Variants in IGSF21 observed in about 807,000 individuals in gnomAD.
IGSF21 encodes immunoglobulin superfamily member 21.
Under a neutral mutation model 46.8 loss-of-function variants are expected in IGSF21, and 28 were observed. That is an observed-to-expected ratio of 0.60 (90% CI 0.44 to 0.82). IGSF21 has a LOEUF of 0.82. Ranked by LOEUF, IGSF21 falls within the 40% of genes least tolerant of loss-of-function variation. IGSF21 has a pLI of 0.00. For synonymous variants in IGSF21, 284 were observed against 273.6 expected (o/e 1.04, Z -0.38); for missense variants, 624 against 665.5 (o/e 0.94, Z 0.69).
intron 1 of IGSF21, among the ~76,000 whole-genome samples, chr1:18,171,967 G>A (rs561186994): frequency 5.3e-5 from 8 of 152,320 alleles, no homozygotes; most frequent in Non-Finnish European, 7.3e-5. Context: ...GGGAAAGGTT[G>A]AAGAGGTACC....
intron 3 of IGSF21, among the ~76,000 whole-genome samples, chr1:18,299,492 T>A: frequency 6.6e-6 from 1 of 152,212 alleles, no homozygotes; most frequent in Middle Eastern, 3.2e-3. Flanking sequence ...CTCTGTATAT[T>A]TTCATGAAGC....
intron 2 of IGSF21, among the ~76,000 whole-genome samples, chr1:18,250,394 C>T (rs1353034737): frequency 6.6e-6 from 1 of 152,044 alleles, no homozygotes; most frequent in Non-Finnish European, 1.5e-5. Flanking sequence ...GTCCACACCA[C>T]TTTTCCCTCT....
intron 2 of IGSF21, among the ~76,000 whole-genome samples, chr1:18,285,120 T>C (rs1481777291): frequency 2.0e-5 from 3 of 152,024 alleles, no homozygotes; most frequent in Non-Finnish European, 4.4e-5. Context: ...TTCCAACCTG[T>C]AATTGGTTTT....
chr1:18,168,300 T>G (rs1171743226), intron 1 of IGSF21, among the ~76,000 whole-genome samples: 1 of 152,148 alleles, frequency 6.6e-6, no homozygotes, highest in East Asian at 1.9e-4. Flanking sequence ...GGAAGGGAGT[T>G]CAGGGTGATA....
chr1:18,295,193 G>T (rs1273229895), intron 3 of IGSF21, among the ~76,000 whole-genome samples: 4 of 152,170 alleles, frequency 2.6e-5, no homozygotes, highest in African/African-American at 7.2e-5. Flanking sequence ...ATCCCTGGTT[G>T]TATGACCTTG....
chr1:18,227,918 G>A lies in IGSF21; in HGVS notation c.91G>A (p.Glu31Lys). The change falls in exon 2 of 10, where the codon GAG (glutamate) becomes AAG (lysine). Residue 31 changes from glutamate to lysine, a missense_variant. Physicochemically the swap from Glu to Lys is moderately conservative, Grantham distance 56. Transcript: ENST00000251296. Reference sequence around the variant, plus strand: ...TGTAGGCTACCTGACAGTCAACATTGAGCCTCTCCCCCCTGTGGTGGCTGG... The same window carrying A: ...TGTAGGCTACCTGACAGTCAACATTAAGCCTCTCCCCCCTGTGGTGGCTGG... Reference protein sequence around the residue: ...LARGYLTVNIEPLPPVVAGDA... With the variant: ...LARGYLTVNIKPLPPVVAGDA... The A allele has an allele frequency of 6.2e-7, 1 of 1,613,834 alleles. No individual in the cohort carries two copies.
intron 3 of IGSF21, among the ~76,000 whole-genome samples, chr1:18,302,232 T>G (rs1031847461): frequency 6.6e-6 from 1 of 152,172 alleles, no homozygotes; most frequent in Non-Finnish European, 1.5e-5. Flanking sequence ...CTCTCCCCAG[T>G]GGCAGAATTG....
At chr1:18,140,427 C>A (rs4920436) in intron 1 of IGSF21, among the ~76,000 whole-genome samples, 1 of 152,144 alleles carries the variant, frequency 6.6e-6, no homozygotes, top group African/African-American at 2.4e-5. Context: ...TATTTTCTCA[C>A]AGTCTGCATC....
chr1:18,350,398 C>T (rs972961629), intron 4 of IGSF21, among the ~76,000 whole-genome samples: 3 of 152,120 alleles, frequency 2.0e-5, no homozygotes, highest in African/African-American at 7.2e-5. Context: ...TCTGAGACAC[C>T]CTCACTCTCA....
chr1:18,373,111 T>A (rs113352026), intron 6 of IGSF21, among the ~76,000 whole-genome samples: 21 of 152,294 alleles, frequency 1.4e-4, no homozygotes, highest in South Asian at 6.2e-4. Context: ...TCCTCCATTG[T>A]CATTTTCAGA....
At chr1:18,347,162 C>T (rs2085902689) in intron 4 of IGSF21, among the ~76,000 whole-genome samples, 1 of 152,104 alleles carries the variant, frequency 6.6e-6, no homozygotes, top group Non-Finnish European at 1.5e-5. Context: ...TTCTAGAACC[C>T]TCCCTCCCTC....
chr1:18,306,277 C>G (rs867911631), intron 3 of IGSF21, among the ~76,000 whole-genome samples: 1 of 152,206 alleles, frequency 6.6e-6, no homozygotes, highest in Admixed American at 6.5e-5. Flanking sequence ...GTTCTTACCT[C>G]AGGACATTTA....
At chr1:18,263,307 A>G (rs1206929889) in intron 2 of IGSF21, among the ~76,000 whole-genome samples, 1 of 152,124 alleles carries the variant, frequency 6.6e-6, no homozygotes, top group Non-Finnish European at 1.5e-5. Flanking sequence ...ACCTACTTGC[A>G]TCACTGCTTG....
chr1:18,371,870 G>A (rs1461916451), intron 6 of IGSF21, among the ~76,000 whole-genome samples: 1 of 152,116 alleles, frequency 6.6e-6, no homozygotes, highest in Non-Finnish European at 1.5e-5. Flanking sequence ...TTCTATATTT[G>A]CTTATTGTCT....
chr1:18,162,368 T>C (rs2086635059), intron 1 of IGSF21, among the ~76,000 whole-genome samples: 2 of 152,174 alleles, frequency 1.3e-5, no homozygotes. Context: ...TTTTCTACTT[T>C]ACGTTAATGG....
chr1:18,210,180 G>A (rs1040304132), intron 1 of IGSF21, among the ~76,000 whole-genome samples: 9 of 152,058 alleles, frequency 5.9e-5, no homozygotes, highest in Non-Finnish European at 1.2e-4. Flanking sequence ...TATGAAGACC[G>A]GATTGCTTCT....
chr1:18,207,001 C>G (rs991801159), intron 1 of IGSF21, among the ~76,000 whole-genome samples: 41 of 152,296 alleles, frequency 2.7e-4, no homozygotes, highest in African/African-American at 7.9e-4. Context: ...CTCACAAGGT[C>G]AAAATCAAGG....
chr1:18,173,837 T>G (rs78414635), intron 1 of IGSF21, among the ~76,000 whole-genome samples: 8,387 of 152,284 alleles, frequency 0.055, 354 homozygotes, highest in South Asian at 0.14. Flanking sequence ...CATTGCAACC[T>G]CGGTCTCCCA....
chr1:18,224,189 C>T (rs12033929), intron 1 of IGSF21, among the ~76,000 whole-genome samples: 16,443 of 152,160 alleles, frequency 0.11, 1,007 homozygotes, highest in East Asian at 0.14. Context: ...GCTCCCATTC[C>T]TGGCTCAGGT....
Sources: allele counts gnomAD v4.1 joint callset (sites outside exome capture counted in the v4.1 genomes callset), GRCh38; gene constraint gnomAD v4.1.1; transcripts MANE v1.5; gene names NCBI Gene and HGNC (gene_info 2026-07-23, HGNC 2026-07-21).